The following LRP1B variants were observed in gnomAD, a reference collection of about 807,000 sequenced individuals.
LRP1B encodes low-density lipoprotein receptor-related protein 1B.
A neutral mutation model predicts 556.6 loss-of-function variants in LRP1B; 217 were observed. That is an observed-to-expected ratio of 0.39 (90% CI 0.35 to 0.44). The LOEUF is 0.44. LRP1B is among the 20% of genes least tolerant of loss of function. LRP1B has a pLI of 1.00. For missense variants in LRP1B, 5,053 were observed against 5,620.8 expected (o/e 0.90, Z 3.23); for synonymous variants, 2,047 against 1,865.8 (o/e 1.10, Z -2.50).
chr2:142,109,291 C>T (rs1706876917), intron 1 of LRP1B, among the ~76,000 whole-genome samples: 1 of 152,036 alleles, frequency 6.6e-6, no homozygotes, highest in Admixed American at 6.6e-5. Flanking sequence ...AACGGTTTCC[C>T]AAAGATTGTT....
chr2:141,063,620 C>T (rs1322054596), intron 7 of LRP1B, among the ~76,000 whole-genome samples: 1 of 151,634 alleles, frequency 6.6e-6, no homozygotes. Context: ...GCACGCGTTC[C>T]CTCTCCCCCT....
chr2:140,674,814 A>G (rs562122252), intron 41 of LRP1B, among the ~76,000 whole-genome samples: 1 of 152,366 alleles, frequency 6.6e-6, no homozygotes, highest in African/African-American at 2.4e-5. Context: ...TTTCGTAGAC[A>G]TTTGTTATAG....
At chr2:141,007,070 T>C (rs1169598837) in intron 14 of LRP1B, among the ~76,000 whole-genome samples, 3 of 151,960 alleles carry the variant, frequency 2.0e-5, no homozygotes, top group African/African-American at 7.2e-5. Flanking sequence ...ACATTTTTTA[T>C]ATCAGAATAT....
intron 2 of LRP1B, among the ~76,000 whole-genome samples, chr2:141,616,993 C>T (rs779995341): frequency 6.6e-6 from 1 of 152,196 alleles, no homozygotes; most frequent in Non-Finnish European, 1.5e-5. Context: ...ACTTACTCTT[C>T]AGGTTCTTGC....
At chr2:141,251,247 T>C (rs1225671807) in intron 4 of LRP1B, among the ~76,000 whole-genome samples, 2 of 152,030 alleles carry the variant, frequency 1.3e-5, no homozygotes, top group Non-Finnish European at 2.9e-5. Context: ...AAAATAAAAG[T>C]GAGTGTTTTA....
chr2:140,753,508 T>C (rs990476950), intron 35 of LRP1B, among the ~76,000 whole-genome samples: 1 of 152,204 alleles, frequency 6.6e-6, no homozygotes, highest in Non-Finnish European at 1.5e-5. Context: ...TTCCAGAATG[T>C]TGACATGAGA....
chr2:140,410,277 C>G (rs1031200055), intron 66 of LRP1B, among the ~76,000 whole-genome samples: 16 of 151,966 alleles, frequency 1.1e-4, no homozygotes, highest in Non-Finnish European at 1.5e-5. Context: ...CTAGGTGTTA[C>G]ATATCAATAA....
chr2:142,080,035 A>T (rs1231048053), intron 1 of LRP1B, among the ~76,000 whole-genome samples: 2 of 151,860 alleles, frequency 1.3e-5, no homozygotes, highest in African/African-American at 4.8e-5. Flanking sequence ...CATTGAAAAG[A>T]TTTTGGGTTA....
At chr2:140,337,829 G>A (rs1268849569) in intron 77 of LRP1B, among the ~76,000 whole-genome samples, 1 of 151,644 alleles carries the variant, frequency 6.6e-6, no homozygotes, top group Non-Finnish European at 1.5e-5. Context: ...TTGAATTTAG[G>A]ATTTTCATTT....
intron 1 of LRP1B, among the ~76,000 whole-genome samples, chr2:141,964,320 C>T (rs1701493303): frequency 6.7e-6 from 1 of 148,840 alleles, no homozygotes; most frequent in Non-Finnish European, 1.5e-5. Flanking sequence ...AAGCTGGAGG[C>T]ATCACACTAC....
intron 1 of LRP1B, among the ~76,000 whole-genome samples, chr2:142,096,833 G>C (rs1431149252): frequency 6.6e-6 from 1 of 151,482 alleles, no homozygotes; most frequent in African/African-American, 2.4e-5. Context: ...CCCAGGTACT[G>C]AGCATAGTAC....
intron 2 of LRP1B, among the ~76,000 whole-genome samples, chr2:141,562,663 G>C (rs557995452): frequency 6.6e-6 from 1 of 151,992 alleles, no homozygotes; most frequent in East Asian, 1.9e-4. Context: ...GCTTCACTCC[G>C]TAAAACAAAG....
intron 1 of LRP1B, among the ~76,000 whole-genome samples, chr2:141,905,804 T>TGTGTGTG (rs1339360329): frequency 6.8e-6 from 1 of 146,902 alleles, no homozygotes; most frequent in Non-Finnish European, 1.5e-5. Flanking sequence ...TGTGTGTGTG[T>TGTGTGTG]GGCTAGGTGT....
intron 3 of LRP1B, among the ~76,000 whole-genome samples, chr2:141,389,347 G>T (rs1043990525): frequency 9.2e-5 from 14 of 152,096 alleles, no homozygotes; most frequent in African/African-American, 3.4e-4. Flanking sequence ...TGGACAAAAG[G>T]TGCTGAGACC....
At chr2:141,190,199 A>G (rs1681446645) in intron 6 of LRP1B, among the ~76,000 whole-genome samples, 1 of 151,954 alleles carries the variant, frequency 6.6e-6, no homozygotes, top group Non-Finnish European at 1.5e-5. Context: ...AGCTCAGGAT[A>G]CTATACTATC....
intron 86 of LRP1B, among the ~76,000 whole-genome samples, chr2:140,250,364 TAGAC>T (rs1056102739): frequency 7.0e-4 from 106 of 151,840 alleles, no homozygotes; most frequent in African/African-American, 2.1e-3. Context: ...GATAGACAGA[TAGAC>T]AGGTAGGTAG....
chr2:140,792,974 ATTAT>A (rs1183224049), intron 32 of LRP1B, among the ~76,000 whole-genome samples: 6 of 152,042 alleles, frequency 3.9e-5, no homozygotes, highest in African/African-American at 1.4e-4. Context: ...CATATAGGTA[ATTAT>A]TTAAATAAAA....
Position 140,601,430 on chromosome 2 carries a change from A to G in LRP1B, c.6989+20T>C. The G allele has an allele frequency of 6.5e-7, 1 of 1,538,712 alleles. No homozygotes were observed. ...TGACTTATAACTATAATGAAGAAAT[A>G]AAACTACACTGTTTCTTACTTTTGA... On this transcript the variant is annotated intron_variant, in intron 42 of 90. Transcript: ENST00000389484.
intron 3 of LRP1B, among the ~76,000 whole-genome samples, chr2:141,410,003 T>C (rs116353357): frequency 8.2e-4 from 125 of 152,138 alleles, no homozygotes; most frequent in African/African-American, 2.9e-3. Flanking sequence ...AAAAGGTAGA[T>C]GGACTAGAGA....
Sources: allele counts gnomAD v4.1 joint callset (sites outside exome capture counted in the v4.1 genomes callset), GRCh38; gene constraint gnomAD v4.1.1; transcripts MANE v1.5; gene names NCBI Gene and HGNC (gene_info 2026-07-23, HGNC 2026-07-21).